FAM107B: variants seen among roughly 807,000 people sequenced by gnomAD.
FAM107B encodes protein FAM107B.
A neutral mutation model predicts 31.5 loss-of-function variants in FAM107B; 21 were observed. That is an observed-to-expected ratio of 0.67 (90% CI 0.47 to 0.96). The LOEUF (loss-of-function observed/expected upper bound fraction) is 0.96. Among genes scored for constraint, FAM107B ranks in the 40% least tolerant of loss-of-function variants. The pLI, the probability that FAM107B is intolerant of heterozygous loss-of-function variation, is 0.00. For missense variants in FAM107B, 452 were observed against 377.1 expected (o/e 1.20, Z -1.64); for synonymous variants, 157 against 141.5 (o/e 1.11, Z -0.78).
chr10:14,764,428 C>T (rs1342785977), intron 1 of FAM107B, among the ~76,000 whole-genome samples: 1 of 152,162 alleles, frequency 6.6e-6, no homozygotes, highest in Admixed American at 6.5e-5. Context: ...ACGAAACACA[C>T]ACAAACCAGC....
At chr10:14,522,487 C>T (rs952192537) in intron 3 of FAM107B, among the ~76,000 whole-genome samples, 1 of 151,590 alleles carries the variant, frequency 6.6e-6, no homozygotes, top group African/African-American at 2.4e-5. Flanking sequence ...GCAATCTAGG[C>T]TCAATGCAAC....
intron 1 of FAM107B, among the ~76,000 whole-genome samples, chr10:14,680,223 T>A (rs1039290305): frequency 2.0e-5 from 3 of 152,046 alleles, no homozygotes; most frequent in Non-Finnish European, 4.4e-5. Context: ...AACAGTCACA[T>A]CCCATGAGAA....
Position 14,691,893 on chromosome 10 carries a change from CAAA to C in FAM107B, c.412-24205_412-24203del, listed in dbSNP as rs58734762. ...TGAGCTACAGAGTGAGACTCTGTCACAAAAAAAAAAAAAAAAAATTAAACTAGG... is the reference window on the plus strand; with the variant it reads ...TGAGCTACAGAGTGAGACTCTGTCACAAAAAAAAAAAAAAATTAAACTAGG... On this transcript the variant is annotated intron_variant, in intron 1 of 4. Coordinates refer to ENST00000181796, the MANE Select transcript of FAM107B (RefSeq NM_031453.4). Among the ~76,000 whole-genome samples the C allele has an allele frequency of 6.7e-4, 87 of 129,190 alleles. 1 individual carries two copies. The South Asian group carries it at 8.1e-3, about 12-fold the overall frequency. 84.8% of individuals were successfully genotyped at this position (129,190 alleles called of 152,430 possible).
chr10:14,678,532 T>A (rs1410419501), intron 1 of FAM107B, among the ~76,000 whole-genome samples: 8 of 152,242 alleles, frequency 5.3e-5, no homozygotes, highest in Middle Eastern at 3.4e-3. Flanking sequence ...CAGAAACTCA[T>A]CAACAAAGAG....
chr10:14,601,181 A>C (rs1852384851), intron 2 of FAM107B, among the ~76,000 whole-genome samples: 1 of 152,214 alleles, frequency 6.6e-6, no homozygotes, highest in Non-Finnish European at 1.5e-5. Context: ...AATGACAAGC[A>C]AAGCCTCCCC....
intron 1 of FAM107B, among the ~76,000 whole-genome samples, chr10:14,677,964 T>C (rs536357060): frequency 1.3e-4 from 20 of 152,330 alleles, no homozygotes; most frequent in Admixed American, 3.9e-4. Context: ...CTCTATTCTG[T>C]GTTAGGCACT....
At chr10:14,564,719 A>G (rs758015311) in intron 2 of FAM107B, among the ~76,000 whole-genome samples, 11 of 152,194 alleles carry the variant, frequency 7.2e-5, no homozygotes, top group Non-Finnish European at 1.3e-4. Flanking sequence ...CCAGATCGCA[A>G]CAGAAATAAG....
At chr10:14,611,944 C>T (rs1421608034) in intron 2 of FAM107B, among the ~76,000 whole-genome samples, 3 of 151,768 alleles carry the variant, frequency 2.0e-5, no homozygotes, top group African/African-American at 7.3e-5. Flanking sequence ...TTTATATGTC[C>T]TTATACATGT....
chr10:14,545,757 A>T (rs1453263457), intron 2 of FAM107B, among the ~76,000 whole-genome samples: 2 of 152,250 alleles, frequency 1.3e-5, no homozygotes, highest in African/African-American at 2.4e-5. Context: ...ACAAAATTAA[A>T]ATTGGTAAAA....
chr10:14,656,945 G>C (rs906488980), intron 2 of FAM107B, among the ~76,000 whole-genome samples: 3 of 152,242 alleles, frequency 2.0e-5, no homozygotes, highest in Admixed American at 2.0e-4. Flanking sequence ...GGATGGAGAA[G>C]AATAGGTCAT....
chr10:14,560,549 C>G (rs1850151795), intron 2 of FAM107B, among the ~76,000 whole-genome samples: 1 of 152,124 alleles, frequency 6.6e-6, no homozygotes, highest in Non-Finnish European at 1.5e-5. Flanking sequence ...ACTAGGTAAG[C>G]TTGGGAAATA....
At position 14,712,626 on chromosome 10, in the gene FAM107B, A is replaced by AAAAAAAAAAAG. The variant is rs1554851690; in HGVS notation, c.412-44936_412-44935insCTTTTTTTTTT. ...TGACTCCCACCAAAAAACAAAAAAA[A>AAAAAAAAAAAG]AAGAAGAAGAAGTTGGGATAAATGA... On this transcript the variant is annotated intron_variant, in intron 1 of 4. Transcript: ENST00000181796. Among the ~76,000 whole-genome samples, 94 of 146,908 alleles carry AAAAAAAAAAAG rather than the reference A, an allele frequency of 6.4e-4. 2 individuals are homozygous for AAAAAAAAAAAG. The highest frequency in any genetic ancestry group is 2.1e-3 in the African/African-American group (80 of 38,998).
chr10:14,523,968 G>C (rs1282316176), intron 3 of FAM107B, among the ~76,000 whole-genome samples: 2 of 149,638 alleles, frequency 1.3e-5, no homozygotes, highest in Non-Finnish European at 3.0e-5. Flanking sequence ...CTGGGCCCCA[G>C]CGATCCTCCC....
intron 1 of FAM107B, among the ~76,000 whole-genome samples, chr10:14,772,362 A>AAAAAAAAATATAT (rs10651238): frequency 6.9e-6 from 1 of 145,640 alleles, no homozygotes; most frequent in African/African-American, 2.6e-5. Context: ...TTAAAAAAAA[A>AAAAAAAAATATAT]ATATATATAT....
chr10:14,622,313 T>C (rs1853032842), intron 2 of FAM107B, among the ~76,000 whole-genome samples: 1 of 150,776 alleles, frequency 6.6e-6, no homozygotes, highest in Non-Finnish European at 1.5e-5. Context: ...GAGAGATTTT[T>C]TTTTTTTTTT....
chr10:14,606,007 A>G (rs1033942884), intron 2 of FAM107B, among the ~76,000 whole-genome samples: 2 of 151,980 alleles, frequency 1.3e-5, no homozygotes, highest in African/African-American at 4.8e-5. Context: ...TTTCCTCTCA[A>G]CTTTCTGGGG....
intron 1 of FAM107B, among the ~76,000 whole-genome samples, chr10:14,762,880 C>A (rs1389919540): frequency 3.3e-5 from 5 of 152,094 alleles, no homozygotes; most frequent in Non-Finnish European, 7.4e-5. Context: ...GGTCCTTTAC[C>A]CCCATTTGAT....
At chr10:14,608,080 T>C (rs916525073) in intron 2 of FAM107B, among the ~76,000 whole-genome samples, 5 of 152,210 alleles carry the variant, frequency 3.3e-5, no homozygotes, top group African/African-American at 1.2e-4. Flanking sequence ...TGCTTTTTTA[T>C]TGTCTACTTT....
intron 2 of FAM107B, among the ~76,000 whole-genome samples, chr10:14,608,661 C>T (rs990530860): frequency 2.0e-5 from 3 of 152,096 alleles, no homozygotes; most frequent in South Asian, 2.1e-4. Flanking sequence ...TCCAGGAGGG[C>T]GAAAGAGGAA....
Sources: gnomAD v4.1 joint callset for allele counts (sites outside exome capture counted in the v4.1 genomes callset) on GRCh38, gnomAD v4.1.1 for gene constraint, MANE v1.5 for transcripts, NCBI Gene and HGNC (gene_info 2026-07-23, HGNC 2026-07-21) for gene names.